The following ACSS3 variants were observed in gnomAD, a reference collection of about 807,000 sequenced individuals.
ACSS3 encodes acyl-CoA synthetase short chain family member 3, also known as acyl-CoA synthetase short-chain family member 3, mitochondrial.
ACSS3 carries 64 observed loss-of-function variants against 84.2 expected under a neutral mutation model. The ratio of observed to expected loss-of-function variants is 0.76; its 90% confidence interval spans 0.62 to 0.94. The LOEUF (loss-of-function observed/expected upper bound fraction) is 0.94. Ranked by LOEUF, ACSS3 falls within the 40% of genes least tolerant of loss-of-function variation. ACSS3 has a pLI of 0.00. For missense variants in ACSS3, 815 were observed against 867.6 expected (o/e 0.94, Z 0.76); for synonymous variants, 317 against 310.1 (o/e 1.02, Z -0.23).
intron 2 of ACSS3, among the ~76,000 whole-genome samples, chr12:81,121,054 A>G (rs918361675): frequency 6.6e-6 from 1 of 152,104 alleles, no homozygotes; most frequent in South Asian, 2.1e-4. Flanking sequence ...AGCGATGTAG[A>G]TGTTGTTAAA....
intron 9 of ACSS3, among the ~76,000 whole-genome samples, chr12:81,213,590 C>CTCTCCTCTCCTCT (rs1565723274): frequency 0.014 from 128 of 9,306 alleles, 9 homozygotes; most frequent in African/African-American, 0.036. Context: ...TCCTCCCCTC[C>CTCTCCTCTCCTCT]CCTCCCCTCC....
intron 8 of ACSS3, among the ~76,000 whole-genome samples, chr12:81,198,262 A>G (rs1392610546): frequency 6.6e-6 from 1 of 152,174 alleles, no homozygotes; most frequent in African/African-American, 2.4e-5. Context: ...GGGATTATAA[A>G]GATACATGTT....
At chr12:81,205,873 G>A (rs1236659432) in intron 9 of ACSS3, among the ~76,000 whole-genome samples, 4 of 152,026 alleles carry the variant, frequency 2.6e-5, no homozygotes, top group South Asian at 2.1e-4. Flanking sequence ...GTGTGTTAGC[G>A]TGTGACTTTC....
chr12:81,177,863 G>C (rs1165435121), intron 8 of ACSS3, among the ~76,000 whole-genome samples: 1 of 152,208 alleles, frequency 6.6e-6, no homozygotes. Context: ...TACACTGTTG[G>C]TGGGACTGTA....
At chr12:81,184,053 C>A (rs548596214) in intron 8 of ACSS3, among the ~76,000 whole-genome samples, 83 of 151,954 alleles carry the variant, frequency 5.5e-4, no homozygotes, top group African/African-American at 1.9e-3. Context: ...CAAAAAAAGC[C>A]CTAACAAACT....
At chr12:81,208,393 C>T (rs776691118) in intron 9 of ACSS3, among the ~76,000 whole-genome samples, 3 of 152,130 alleles carry the variant, frequency 2.0e-5, no homozygotes, top group Non-Finnish European at 4.4e-5. Flanking sequence ...CCTCTTAACC[C>T]TCATTCACAT....
At chr12:81,241,367 G>A (rs970772748) in intron 13 of ACSS3, among the ~76,000 whole-genome samples, 1 of 151,968 alleles carries the variant, frequency 6.6e-6, no homozygotes, top group African/African-American at 2.4e-5. Context: ...GGGATGGCTG[G>A]GTCAAATGGT....
At chr12:81,121,270 G>A (rs1884573175) in intron 2 of ACSS3, among the ~76,000 whole-genome samples, 1 of 152,170 alleles carries the variant, frequency 6.6e-6, no homozygotes, top group Non-Finnish European at 1.5e-5. Flanking sequence ...TACTGCCGGT[G>A]GAAGTGCTGG....
intron 13 of ACSS3, among the ~76,000 whole-genome samples, chr12:81,247,580 C>A (rs1253069304): frequency 6.6e-6 from 1 of 151,988 alleles, no homozygotes; most frequent in Non-Finnish European, 1.5e-5. Context: ...TTTAAGTTAA[C>A]TTCTCTCTAT....
chr12:81,121,739 G>A (rs181705298), intron 2 of ACSS3, among the ~76,000 whole-genome samples: 35 of 152,006 alleles, frequency 2.3e-4, no homozygotes, highest in Non-Finnish European at 3.5e-4. Context: ...CTTTGAGTTC[G>A]GTGACATGTT....
At chr12:81,239,007 C>T (rs1010226613) in intron 13 of ACSS3, among the ~76,000 whole-genome samples, 7 of 151,732 alleles carry the variant, frequency 4.6e-5, no homozygotes, top group Non-Finnish European at 8.8e-5. Context: ...TATAAATTTT[C>T]CTGTGAGCAT....
chr12:81,254,844 AT>A lies in ACSS3; in HGVS notation c.1996-5del, dbSNP rs750489121. On this transcript the variant is annotated splice_polypyrimidine_tract_variant and intron_variant, in intron 15 of 15. Coordinates refer to ENST00000548058, the MANE Select transcript of ACSS3 (RefSeq NM_024560.4). The stretch of plus-strand genomic sequence containing the variant: ...AAGGAAGAGTATTCACCTGACCCTA[AT>A]TTTTTTTCCAGATAACTTCTACAAT... 2.8e-5 allele frequency: 44 copies of A among 1,597,862 alleles called. No homozygotes were observed. Among genetic ancestry groups the A allele is most frequent in the South Asian group, 1.9e-4 (17 of 87,812 alleles).
intron 1 of ACSS3, chr12:81,104,648 TA>T (rs1390993486): frequency 1.3e-5 from 2 of 151,962 alleles, no homozygotes; most frequent in Non-Finnish European, 2.9e-5. Context: ...TCCTTTCATC[TA>T]GGATGAAAGG....
intron 1 of ACSS3, 44 bp downstream of exon 1, chr12:81,078,475 CT>C (rs1377479720): frequency 5.0e-6 from 8 of 1,599,850 alleles, no homozygotes; most frequent in Non-Finnish European, 5.9e-6. Context: ...TCCCTGGTAA[CT>C]TTTTGGGCGC....
intron 11 of ACSS3, among the ~76,000 whole-genome samples, chr12:81,225,664 C>G (rs1267838951): frequency 6.6e-6 from 1 of 151,910 alleles, no homozygotes; most frequent in Non-Finnish European, 1.5e-5. Context: ...CATTCACTAT[C>G]TTCCCTATCA....
intron 13 of ACSS3, among the ~76,000 whole-genome samples, chr12:81,240,019 A>G (rs977190183): frequency 1.3e-5 from 2 of 151,888 alleles, no homozygotes; most frequent in Non-Finnish European, 2.9e-5. Context: ...TTGAGTGTGG[A>G]CTTTTTTTTC....
chr12:81,165,617 A>G lies in ACSS3; in HGVS notation c.1099-9171A>G, dbSNP rs149415179. Among the ~76,000 whole-genome samples, 10 of 152,108 alleles carry G rather than the reference A, an allele frequency of 6.6e-5. No individual in the cohort carries two copies. In the East Asian group the frequency reaches 1.9e-3, roughly 30 times the overall value. On this transcript the variant is annotated intron_variant, in intron 7 of 15. Coordinates refer to ENST00000548058, the MANE Select transcript of ACSS3 (RefSeq NM_024560.4). Reference sequence around the variant, plus strand: ...ACCAAGATTGCACCACTGCACTTGCAGCCTGGCAACAGAGCGAGACTCTGT... The same window carrying G: ...ACCAAGATTGCACCACTGCACTTGCGGCCTGGCAACAGAGCGAGACTCTGT...
intron 9 of ACSS3, 200 bp downstream of exon 9, chr12:81,199,644 T>C: frequency 6.7e-7 from 1 of 1,489,616 alleles, no homozygotes; most frequent in Non-Finnish European, 8.9e-7. Context: ...GATGCCACCA[T>C]TCTCTTGGTC....
At chr12:81,165,943 A>G (rs963141274) in intron 7 of ACSS3, among the ~76,000 whole-genome samples, 4 of 152,300 alleles carry the variant, frequency 2.6e-5, no homozygotes, top group South Asian at 2.1e-4. Flanking sequence ...AGCACTTTTT[A>G]TACATTGTTT....
Sources: gnomAD v4.1 joint callset for allele counts (sites outside exome capture counted in the v4.1 genomes callset) on GRCh38, gnomAD v4.1.1 for gene constraint, MANE v1.5 for transcripts, NCBI Gene and HGNC (gene_info 2026-07-23, HGNC 2026-07-21) for gene names.